The following TRABD2B variants were observed in gnomAD, a reference collection of about 807,000 sequenced individuals.
The protein encoded by TRABD2B is TraB domain containing 2B.
A neutral mutation model predicts 40.1 loss-of-function variants in TRABD2B; 14 were observed. That is an observed-to-expected ratio of 0.35 (90% CI 0.23 to 0.55). The LOEUF is 0.55. Among genes scored for constraint, TRABD2B ranks in the 20% least tolerant of loss-of-function variants. The probability of loss-of-function intolerance (pLI) is 0.90; values close to 1 mark genes in which losing one functional copy is unlikely to be tolerated. For synonymous variants in TRABD2B, 263 were observed against 277.0 expected (o/e 0.95, Z 0.50); for missense variants, 541 against 648.6 (o/e 0.83, Z 1.80).
chr1:47,834,840 A>G (rs1292553395), intron 2 of TRABD2B, among the ~76,000 whole-genome samples: 1 of 152,212 alleles, frequency 6.6e-6, no homozygotes, highest in Non-Finnish European at 1.5e-5. Flanking sequence ...ATATTCTTTT[A>G]AGTGTCAAAT....
chr1:47,853,291 C>T (rs1265608035), intron 2 of TRABD2B, among the ~76,000 whole-genome samples: 1 of 152,224 alleles, frequency 6.6e-6, no homozygotes, highest in Non-Finnish European at 1.5e-5. Flanking sequence ...CATTGTCTAG[C>T]AGTGGCCCGA....
intron 2 of TRABD2B, among the ~76,000 whole-genome samples, chr1:47,816,024 CACCAAGGAG>C (rs1265555598): frequency 6.6e-6 from 1 of 152,192 alleles, no homozygotes; most frequent in Non-Finnish European, 1.5e-5. Flanking sequence ...TCCTTCCTGA[CACCAAGGAG>C]CCCCATCAAT....
intron 2 of TRABD2B, among the ~76,000 whole-genome samples, chr1:47,960,929 G>A (rs890060772): frequency 6.6e-6 from 1 of 152,032 alleles, no homozygotes; most frequent in African/African-American, 2.4e-5. Flanking sequence ...AAAGAACAAA[G>A]CTGGAGGCAT....
chr1:47,984,380 C>T (rs920771302), intron 2 of TRABD2B, among the ~76,000 whole-genome samples: 4 of 152,242 alleles, frequency 2.6e-5, no homozygotes, highest in African/African-American at 7.2e-5. Context: ...TTTTAGGAAA[C>T]GTGCACTTGC....
chr1:47,773,167 T>G (rs1345033918), intron 6 of TRABD2B, among the ~76,000 whole-genome samples: 1 of 152,226 alleles, frequency 6.6e-6, no homozygotes, highest in Non-Finnish European at 1.5e-5. Flanking sequence ...CCTAGTGTGT[T>G]GATCAGGGCT....
chr1:47,939,741 C>T (rs981778349), intron 2 of TRABD2B, among the ~76,000 whole-genome samples: 3 of 152,208 alleles, frequency 2.0e-5, no homozygotes, highest in Admixed American at 2.0e-4. Context: ...AAGTGACTTA[C>T]TCAAGGTCAC....
intron 6 of TRABD2B, among the ~76,000 whole-genome samples, chr1:47,769,272 T>A (rs1329594145): frequency 6.6e-6 from 1 of 152,202 alleles, no homozygotes; most frequent in Non-Finnish European, 1.5e-5. Context: ...TGAGGAACTG[T>A]TGGTTTGGTG....
At chr1:47,927,439 G>A (rs948834006) in intron 2 of TRABD2B, among the ~76,000 whole-genome samples, 3 of 152,246 alleles carry the variant, frequency 2.0e-5, no homozygotes, top group African/African-American at 7.2e-5. Context: ...TACGGAGCTG[G>A]CTGCAGGCAC....
chr1:47,870,272 C>A (rs1644121136), intron 2 of TRABD2B, among the ~76,000 whole-genome samples: 1 of 152,146 alleles, frequency 6.6e-6, no homozygotes, highest in Non-Finnish European at 1.5e-5. Flanking sequence ...AGATGCAGAC[C>A]TGAACCCAGC....
chr1:47,853,267 C>A (rs901573597), intron 2 of TRABD2B, among the ~76,000 whole-genome samples: 2 of 152,212 alleles, frequency 1.3e-5, no homozygotes, highest in Admixed American at 1.3e-4. Flanking sequence ...CCCAAACCCA[C>A]CAACGCACCC....
intron 2 of TRABD2B, among the ~76,000 whole-genome samples, chr1:47,972,536 C>A (rs1177733330): frequency 6.6e-6 from 1 of 150,814 alleles, no homozygotes. Flanking sequence ...AGCCCTCTTT[C>A]CACCACATGA....
intron 6 of TRABD2B, among the ~76,000 whole-genome samples, chr1:47,768,087 A>G (rs974958843): frequency 6.6e-5 from 10 of 152,288 alleles, no homozygotes; most frequent in African/African-American, 2.4e-4. Flanking sequence ...GACGTATGTC[A>G]TTAAAGAGAG....
At chr1:47,831,384 C>A (rs1220337285) in intron 2 of TRABD2B, among the ~76,000 whole-genome samples, 1 of 152,168 alleles carries the variant, frequency 6.6e-6, no homozygotes, top group Admixed American at 6.5e-5. Flanking sequence ...TTAAAATACA[C>A]TCAGAGGAGC....
intron 2 of TRABD2B, among the ~76,000 whole-genome samples, chr1:47,927,739 C>T (rs1008527300): frequency 6.6e-6 from 1 of 152,174 alleles, no homozygotes; most frequent in African/African-American, 2.4e-5. Context: ...ACCCTGCAAG[C>T]GCTGTTCCTC....
chr1:47,943,458 T>C (rs1645214714), intron 2 of TRABD2B, among the ~76,000 whole-genome samples: 1 of 152,160 alleles, frequency 6.6e-6, no homozygotes, highest in African/African-American at 2.4e-5. Context: ...GCTCATTTCA[T>C]TGGTTCTACA....
intron 2 of TRABD2B, among the ~76,000 whole-genome samples, chr1:47,901,946 C>A (rs978237614): frequency 2.6e-5 from 4 of 152,112 alleles, no homozygotes; most frequent in African/African-American, 9.7e-5. Flanking sequence ...GGGCAAGGAG[C>A]CACAGGGTGC....
At chr1:47,875,503 A>C (rs1192661524) in intron 2 of TRABD2B, among the ~76,000 whole-genome samples, 1 of 151,848 alleles carries the variant, frequency 6.6e-6, no homozygotes, top group Non-Finnish European at 1.5e-5. Flanking sequence ...CCTGGGCAAT[A>C]TGGCAAAACC....
chr1:47,989,774 AAAC>A (rs1645974276), intron 2 of TRABD2B, among the ~76,000 whole-genome samples: 2 of 151,708 alleles, frequency 1.3e-5, no homozygotes, highest in African/African-American at 4.8e-5. Context: ...ACACACACAC[AAAC>A]ACACACACAC....
At chr1:47,912,395 A>C (rs1644774547) in intron 2 of TRABD2B, among the ~76,000 whole-genome samples, 2 of 152,112 alleles carry the variant, frequency 1.3e-5, no homozygotes, top group African/African-American at 4.8e-5. Flanking sequence ...CTGGTTTTTA[A>C]ATTTTTTTCC....
Sources: allele counts gnomAD v4.1 joint callset (sites outside exome capture counted in the v4.1 genomes callset), GRCh38; gene constraint gnomAD v4.1.1; transcripts MANE v1.5; gene names NCBI Gene and HGNC (gene_info 2026-07-23, HGNC 2026-07-21).